Variants in PCDHGA1 observed in about 807,000 individuals in gnomAD.
The protein encoded by PCDHGA1 is protocadherin gamma-A1.
Under a neutral mutation model 58.0 loss-of-function variants are expected in PCDHGA1, and 32 were observed. The observed-to-expected ratio is 0.55, with a 90% CI of 0.42 to 0.74. The LOEUF is 0.74. Among genes scored for constraint, PCDHGA1 ranks in the 30% least tolerant of loss-of-function variants. The probability of loss-of-function intolerance (pLI) is 0.00; values close to 1 mark genes in which losing one functional copy is unlikely to be tolerated. For missense variants in PCDHGA1, 1,205 were observed against 1,182.3 expected, an observed-to-expected ratio of 1.02 and a Z score of -0.28; for synonymous variants, 498 against 501.1, an observed-to-expected ratio of 0.99 and a Z score of 0.08.
At chr5:141,388,594 A>G in intron 1 of PCDHGA1, 1 of 1,613,936 alleles carries the variant, frequency 6.2e-7, no homozygotes, top group Non-Finnish European at 8.5e-7. Context: ...GATGCCAATG[A>G]TAATGCTCCA....
chr5:141,361,994 G>T, intron 1 of PCDHGA1: 6 of 1,602,934 alleles, frequency 3.7e-6, no homozygotes, highest in Non-Finnish European at 5.1e-6. Flanking sequence ...TTCAGCCTGG[G>T]GTTGCGCACG....
At chr5:141,439,183 ACT>A (rs1255299140) in intron 1 of PCDHGA1, among the ~76,000 whole-genome samples, 3 of 145,262 alleles carry the variant, frequency 2.1e-5, no homozygotes, top group Non-Finnish European at 3.0e-5. Context: ...ACATAGTGAG[ACT>A]CTGACAAAAA....
intron 2 of PCDHGA1, 22 bp from the exon 3 acceptor site, chr5:141,505,371 C>G: frequency 1.2e-6 from 2 of 1,613,980 alleles, no homozygotes; most frequent in Non-Finnish European, 1.7e-6. Context: ...AGTCTGTGCT[C>G]ACCATCCTAC....
intron 1 of PCDHGA1, chr5:141,405,594 C>G: frequency 1.7e-6 from 1 of 578,834 alleles, no homozygotes; most frequent in Non-Finnish European, 3.0e-6. Context: ...ACAGGCCTCC[C>G]AAGTAGAATA....
intron 1 of PCDHGA1, chr5:141,414,158 G>C: frequency 6.2e-7 from 1 of 1,602,572 alleles, no homozygotes; most frequent in Non-Finnish European, 8.5e-7. Context: ...GCAGAAGATG[G>C]AGGAGCATAT....
chr5:141,342,771 A>G (rs1359515422), intron 1 of PCDHGA1: 1 of 152,226 alleles, frequency 6.6e-6, no homozygotes, highest in Non-Finnish European at 1.5e-5. Context: ...GAAACGACAA[A>G]TATATTGTAT....
chr5:141,364,320 G>C (rs777179865), intron 1 of PCDHGA1: 7 of 1,526,276 alleles, frequency 4.6e-6, no homozygotes, highest in Non-Finnish European at 6.1e-6. Flanking sequence ...AAATTGGGCA[G>C]AGAGAAGGCA....
At chr5:141,374,592 T>C in intron 1 of PCDHGA1, 1 of 1,613,700 alleles carries the variant, frequency 6.2e-7, no homozygotes, top group Admixed American at 1.7e-5. Context: ...CTTCAGGGAT[T>C]TAAGCTCAGT....
intron 1 of PCDHGA1, chr5:141,475,934 GC>G (rs879308605): frequency 6.0e-6 from 4 of 665,236 alleles, no homozygotes; most frequent in Non-Finnish European, 1.0e-5. Context: ...TCGGGCCCCT[GC>G]CCGTCCCCTT....
At chr5:141,351,106 A>G (rs1258132619) in intron 1 of PCDHGA1, 1 of 1,614,066 alleles carries the variant, frequency 6.2e-7, no homozygotes, top group Non-Finnish European at 8.5e-7. Flanking sequence ...TCAATTCCCC[A>G]ATAAGTACCA....
intron 1 of PCDHGA1, among the ~76,000 whole-genome samples, chr5:141,347,932 G>C (rs1758039048): frequency 6.6e-6 from 1 of 152,094 alleles, no homozygotes; most frequent in African/African-American, 2.4e-5. Context: ...AAATTATTAT[G>C]AGCCTTGGAG....
chr5:141,360,621 TG>T (rs1307338533), intron 1 of PCDHGA1: 1 of 1,613,908 alleles, frequency 6.2e-7, no homozygotes, highest in Non-Finnish European at 8.5e-7. Flanking sequence ...ATTCAGATGT[TG>T]GTCCTAACTC....
chr5:141,388,511 C>G, intron 1 of PCDHGA1: 1 of 1,613,868 alleles, frequency 6.2e-7, no homozygotes, highest in Non-Finnish European at 8.5e-7. Context: ...AATCCTACCA[C>G]TTGACTTTGA....
At position 141,431,215 on chromosome 5, in the gene PCDHGA1, C is replaced by G. The variant is rs1225114172; in HGVS notation, c.2422-63592C>G. 1 of 1,614,184 alleles carries G rather than the reference C, an allele frequency of 6.2e-7. No individual in the cohort carries two copies. Among genetic ancestry groups the G allele is most frequent in the Admixed American group, 1.7e-5 (1 of 60,032 alleles). On this transcript the variant is annotated intron_variant, in intron 1 of 3. Coordinates refer to ENST00000517417, the MANE Select transcript of PCDHGA1 (RefSeq NM_018912.3). This position sits in a 1 kb window ranked among gnomAD's most constrained non-coding sequence, Gnocchi z 4.8. ...AAAATGCAGCCACTGAGATGCGGTTCCCTCTACCCCACGCCTGGGATCCGG... is the reference window on the plus strand; with the variant it reads ...AAAATGCAGCCACTGAGATGCGGTTGCCTCTACCCCACGCCTGGGATCCGG...
At chr5:141,379,474 T>C (rs1775619669) in intron 1 of PCDHGA1, 1 of 152,258 alleles carries the variant, frequency 6.6e-6, no homozygotes, top group Non-Finnish European at 1.5e-5. Context: ...AGTGTGAATG[T>C]TATTTTACTA....
chr5:141,371,516 A>C, intron 1 of PCDHGA1: 5 of 1,613,882 alleles, frequency 3.1e-6, no homozygotes, highest in Non-Finnish European at 4.2e-6. Context: ...CACATGATCT[A>C]GATTCTGGAT....
chr5:141,439,796 G>A (rs980000701), intron 1 of PCDHGA1: 1 of 152,318 alleles, frequency 6.6e-6, no homozygotes. Flanking sequence ...AATCCAAGAA[G>A]AGTTTGAAAA....
intron 1 of PCDHGA1, among the ~76,000 whole-genome samples, chr5:141,407,707 G>C (rs894295431): frequency 1.3e-5 from 2 of 151,964 alleles, no homozygotes; most frequent in South Asian, 4.1e-4. Flanking sequence ...TTGAAGGTGG[G>C]GTGATGGCTA....
Position 141,489,510 on chromosome 5 carries a change from T to A in PCDHGA1, c.2422-5297T>A, listed in dbSNP as rs762210983. 1 of 1,614,124 alleles carries A rather than the reference T, an allele frequency of 6.2e-7. No individual in the cohort carries two copies. The highest frequency in any genetic ancestry group is 1.7e-5 in the Admixed American group (1 of 60,022). On this transcript the variant is annotated intron_variant, in intron 1 of 3. Transcript: ENST00000517417. This position sits in a 1 kb window ranked among gnomAD's most constrained non-coding sequence, Gnocchi z 4.5. Reference sequence around the variant, plus strand: ...GTGCCCTGGCAGTGAATCAAAAGATTGACCGAGAAAGCCTATGTGGAGCCA... The same window carrying A: ...GTGCCCTGGCAGTGAATCAAAAGATAGACCGAGAAAGCCTATGTGGAGCCA...
Sources: allele counts gnomAD v4.1 joint callset (sites outside exome capture counted in the v4.1 genomes callset), GRCh38; gene constraint gnomAD v4.1.1; non-coding constraint Gnocchi (gnomAD v3.1); transcripts MANE v1.5; gene names NCBI Gene and HGNC (gene_info 2026-07-23, HGNC 2026-07-21).